PRRC1: variants seen among roughly 807,000 people sequenced by gnomAD.
The protein encoded by PRRC1 is protein PRRC1.
Under a neutral mutation model 40.7 loss-of-function variants are expected in PRRC1, and 39 were observed. That is an observed-to-expected ratio of 0.96 (90% CI 0.74 to 1.25). The LOEUF (loss-of-function observed/expected upper bound fraction) is 1.25. Ranked by LOEUF, PRRC1 falls within the 50% of genes most tolerant of loss-of-function variation. PRRC1 has a pLI of 0.00. For missense variants in PRRC1, 573 were observed against 548.3 expected, an observed-to-expected ratio of 1.05 and a Z score of -0.45; for synonymous variants, 175 against 193.3, an observed-to-expected ratio of 0.91 and a Z score of 0.79.
chr5:127,535,109 C>G (rs1767864098), intron 6 of PRRC1, among the ~76,000 whole-genome samples: 1 of 142,318 alleles, frequency 7.0e-6, no homozygotes, highest in Non-Finnish European at 1.6e-5. Context: ...TACTGTGGGC[C>G]TCTGGTCACA....
chr5:127,540,237 T>A (rs1045151170), intron 7 of PRRC1, among the ~76,000 whole-genome samples: 1 of 152,122 alleles, frequency 6.6e-6, no homozygotes, highest in African/African-American at 2.4e-5. Context: ...CATTTTTTTT[T>A]ATTAACCTGT....
intron 6 of PRRC1, among the ~76,000 whole-genome samples, chr5:127,534,498 T>C (rs1036688099): frequency 5.3e-5 from 8 of 152,242 alleles, no homozygotes; most frequent in Non-Finnish European, 1.2e-4. Context: ...CTCCATCTTA[T>C]TGGACTTACC....
intron 5 of PRRC1, among the ~76,000 whole-genome samples, chr5:127,532,479 A>C (rs1767802248): frequency 6.6e-6 from 1 of 152,248 alleles, no homozygotes; most frequent in Non-Finnish European, 1.5e-5. Flanking sequence ...CAAGAAACTC[A>C]AAAAGTATTA....
Position 127,551,706 on chromosome 5 carries a change from G to T in PRRC1, c.1129-1G>T, listed in dbSNP as rs1307195967. ...GTAATATCAATTTCATCTTTCCACA[G>T]GCTCAAAGTCTAACTCCCCAGGACT... is the stretch of plus-strand genomic sequence containing the variant. On this transcript the variant is annotated splice_acceptor_variant, in intron 8 of 8. Coordinates refer to ENST00000296666, the MANE Select transcript of PRRC1 (RefSeq NM_130809.5). LOFTEE classifies it high-confidence loss of function. The T allele has an allele frequency of 6.2e-7, 1 of 1,613,812 alleles. No homozygotes were observed. Among genetic ancestry groups the T allele is most frequent in the Admixed American group, 1.7e-5 (1 of 59,980 alleles).
chr5:127,537,283 A>AT (rs1478530735), intron 6 of PRRC1, among the ~76,000 whole-genome samples: 1 of 151,884 alleles, frequency 6.6e-6, no homozygotes, highest in African/African-American at 2.4e-5. Flanking sequence ...GATTATTTTA[A>AT]TATGGTCTCT....
chr5:127,528,505 C>T (rs186383371), intron 4 of PRRC1, among the ~76,000 whole-genome samples: 71 of 152,032 alleles, frequency 4.7e-4, no homozygotes, highest in African/African-American at 1.7e-3. Flanking sequence ...TTAGTAGAGA[C>T]GGGGGTTCAC....
chr5:127,537,894 T>C (rs1767939340), intron 6 of PRRC1, among the ~76,000 whole-genome samples: 1 of 152,000 alleles, frequency 6.6e-6, no homozygotes, highest in African/African-American at 2.4e-5. Flanking sequence ...GGTGCCTCTT[T>C]AAGTGTTATT....
chr5:127,554,697 G>T lies in PRRC1; in HGVS notation c.*2781G>T, dbSNP rs1768481287. 6.6e-6 allele frequency: 1 copy of T among 152,584 alleles called. No individual in the cohort carries two copies. 9.5% of individuals were successfully genotyped at this position (152,584 alleles called of 1,614,324 possible). A position where few individuals can be genotyped will look rare whatever the true frequency, so the allele number is the denominator to read the frequency against. ...ATTCCTCTTTCTTCTGAAGATTAAT[G>T]AAGTTGAAAATTGAGGTGGATAAAT... is the stretch of plus-strand genomic sequence containing the variant. On this transcript the variant is annotated 3_prime_UTR_variant, in exon 9 of 9. Transcript: ENST00000296666.
chr5:127,547,911 T>C lies in PRRC1; in HGVS notation c.1118T>C (p.Phe373Ser), dbSNP rs370101652. The change falls in exon 8 of 9, where the codon TTT (phenylalanine) becomes TCT (serine). Residue 373 changes from phenylalanine to serine, a missense_variant. By Grantham distance (155) the Phe-to-Ser change is radical (BLOSUM62 -2). Coordinates refer to ENST00000296666, the MANE Select transcript of PRRC1 (RefSeq NM_130809.5). ...FTQATPVPLE[F>S]VQQAQSLTPQ... Reference sequence around the variant, plus strand: ...CAAGCCACACCAGTGCCTTTGGAATTTGTACAGCAGGTTGGTTTTCTCCTT... The same window carrying C: ...CAAGCCACACCAGTGCCTTTGGAATCTGTACAGCAGGTTGGTTTTCTCCTT... 5.0e-6 allele frequency: 8 copies of C among 1,611,550 alleles called. No homozygotes were observed. The highest frequency in any genetic ancestry group is 6.8e-6 in the Non-Finnish European group (8 of 1,177,816).
At chr5:127,541,548 G>C (rs184939) in intron 7 of PRRC1, among the ~76,000 whole-genome samples, 66,391 of 150,968 alleles carry the variant, frequency 0.44, 15,878 homozygotes, top group African/African-American at 0.62. Context: ...GCCACAATTT[G>C]AGATCCTGTT....
rs1020414484 is a variant in PRRC1, at chr5:127,551,848, A to G, written c.1270A>G (p.Met424Val). 5.3e-5 allele frequency: 85 copies of G among 1,614,104 alleles called. No homozygotes were observed. Among genetic ancestry groups the G allele is most frequent in the Non-Finnish European group, 7.1e-5 (84 of 1,179,994 alleles). Residue 424 changes from methionine to valine, a missense_variant, in exon 9 of 9, where the codon ATG becomes GTG. Met to Val is a conservative substitution (Grantham distance 21). Transcript: ENST00000296666. ...ATTTACTGGGATGTCCCGTCGGCAG[A>G]TGATCTACAGTGCAGCCAGAGCGAT... ...MAFTGMSRRQ[M>V]IYSAARAIAG...
At chr5:127,528,610 G>T (rs1767686191) in intron 4 of PRRC1, among the ~76,000 whole-genome samples, 1 of 151,910 alleles carries the variant, frequency 6.6e-6, no homozygotes, top group African/African-American at 2.4e-5. Context: ...GCCACCGCAG[G>T]CAGCCTCTCC....
At chr5:127,534,680 A>G (rs775247110) in intron 6 of PRRC1, among the ~76,000 whole-genome samples, 33 of 151,976 alleles carry the variant, frequency 2.2e-4, no homozygotes, top group Non-Finnish European at 2.9e-4. Context: ...CTTCTCATCA[A>G]TTCACTCTCA....
chr5:127,545,792 A>T (rs560579800), intron 7 of PRRC1, among the ~76,000 whole-genome samples: 1 of 151,964 alleles, frequency 6.6e-6, no homozygotes, highest in South Asian at 2.1e-4. Context: ...AAAAAAAAAA[A>T]GTCATCTCTC....
chr5:127,529,872 A>AT (rs1247300948), intron 4 of PRRC1, among the ~76,000 whole-genome samples: 6 of 151,878 alleles, frequency 4.0e-5, no homozygotes, highest in Non-Finnish European at 7.4e-5. Context: ...TACTCTTTTT[A>AT]TTTTTTTTAT....
At chr5:127,525,119 A>AACC (rs142634628) in intron 3 of PRRC1, among the ~76,000 whole-genome samples, 199 bp downstream of exon 3, 2,361 of 152,298 alleles carry the variant, frequency 0.016, 54 homozygotes, top group African/African-American at 0.054. Context: ...TTAAGAAAGA[A>AACC]ACCCTATACC....
chr5:127,542,047 A>G (rs1368994135), intron 7 of PRRC1, among the ~76,000 whole-genome samples: 18 of 151,510 alleles, frequency 1.2e-4, no homozygotes, highest in Admixed American at 1.1e-3. Context: ...ACTGCTTTGA[A>G]TGTGTCTGAG....
intron 7 of PRRC1, among the ~76,000 whole-genome samples, chr5:127,540,187 TC>T (rs1362569206): frequency 3.3e-5 from 5 of 152,134 alleles, no homozygotes; most frequent in Non-Finnish European, 5.9e-5. Flanking sequence ...GTTTCAACTT[TC>T]TATGTAAGCA....
chr5:127,548,110 T>C, intron 8 of PRRC1, 189 bp downstream of exon 8: 1 of 637,778 alleles, frequency 1.6e-6, no homozygotes, highest in Non-Finnish European at 2.8e-6. Flanking sequence ...CCTTCCTCCT[T>C]TTGTTTTCCA....
Sources: gnomAD v4.1 joint callset for allele counts (sites outside exome capture counted in the v4.1 genomes callset) on GRCh38, gnomAD v4.1.1 for gene constraint, MANE v1.5 for transcripts, NCBI Gene and HGNC (gene_info 2026-07-23, HGNC 2026-07-21) for gene names.